Variants in CFAP299 observed in about 807,000 individuals in gnomAD.
CFAP299 encodes the protein cilia and flagella associated protein 299.
Under a neutral mutation model 27.0 loss-of-function variants are expected in CFAP299, and 21 were observed. The ratio of observed to expected loss-of-function variants is 0.78; its 90% CI spans 0.55 to 1.12. The LOEUF (loss-of-function observed/expected upper bound fraction) is 1.12. Ranked by LOEUF, CFAP299 falls within the 50% of genes most tolerant of loss-of-function variation. The pLI, the probability that CFAP299 is intolerant of heterozygous loss-of-function variation, is 0.00. For missense variants in CFAP299, 310 were observed against 276.6 expected (o/e 1.12, Z -0.86); for synonymous variants, 104 against 98.1 (o/e 1.06, Z -0.36).
At chr4:80,386,320 C>A in intron 2 of CFAP299, 1 of 1,339,928 alleles carries the variant, frequency 7.5e-7, no homozygotes. Context: ...GTGCCCACCG[C>A]ACCACCCACG....
At chr4:80,667,443 A>G (rs182252175) in intron 3 of CFAP299, among the ~76,000 whole-genome samples, 1 of 152,264 alleles carries the variant, frequency 6.6e-6, no homozygotes, top group Admixed American at 6.5e-5. Flanking sequence ...TATTTCTTCT[A>G]TCAAACTGTG....
chr4:80,579,521 A>G (rs1301834289), intron 2 of CFAP299, among the ~76,000 whole-genome samples: 1 of 152,148 alleles, frequency 6.6e-6, no homozygotes, highest in African/African-American at 2.4e-5. Context: ...TCCAGCCCAG[A>G]TATCTGCTGA....
rs530282231 is a variant in CFAP299 at position 80,758,101 on chromosome 4, C to A, written c.334-111892C>A. Among the ~76,000 whole-genome samples, 324 of 152,308 alleles carry A rather than the reference C, an allele frequency of 2.1e-3. 1 individual carries two copies. The highest frequency in any genetic ancestry group is 3.9e-3 in the Non-Finnish European group (268 of 68,024). On this transcript the variant is annotated intron_variant, in intron 3 of 5. Transcript: ENST00000358105. Reference sequence around the variant, plus strand: ...ATGGATGGCTTAAGTGTTAACAGCTCAGTGGAGTGTCAGTGTGACAGCCTT... The same window carrying A: ...ATGGATGGCTTAAGTGTTAACAGCTAAGTGGAGTGTCAGTGTGACAGCCTT...
rs558629236 is a variant in CFAP299, at chr4:80,372,302, A to G, written c.242+9418A>G. 1.8e-4 allele frequency among the ~76,000 whole-genome samples: 28 copies of G among 152,300 alleles called. 1 individual carries two copies. The highest frequency in any genetic ancestry group is 1.6e-3 in the Admixed American group (24 of 15,300). ...CCCCATGATCCAATCACCTCCCAACAGGCCTCACCTCCAACACTGGGGATT... is the reference window on the plus strand; with the variant it reads ...CCCCATGATCCAATCACCTCCCAACGGGCCTCACCTCCAACACTGGGGATT... On this transcript the variant is annotated intron_variant, in intron 2 of 5. Transcript: ENST00000358105.
At chr4:80,449,433 CTG>C (rs1428853246) in intron 2 of CFAP299, among the ~76,000 whole-genome samples, 3 of 151,630 alleles carry the variant, frequency 2.0e-5, no homozygotes, top group African/African-American at 7.3e-5. Context: ...TCTTTATTAA[CTG>C]TTGTTATTAA....
chr4:80,412,451 T>A (rs1394982922), intron 2 of CFAP299, among the ~76,000 whole-genome samples: 1 of 152,172 alleles, frequency 6.6e-6, no homozygotes. Context: ...GAATAACGCA[T>A]GAACTCAACT....
chr4:80,377,857 A>G (rs376166572), intron 2 of CFAP299, among the ~76,000 whole-genome samples: 3 of 152,326 alleles, frequency 2.0e-5, no homozygotes, highest in East Asian at 3.9e-4. Context: ...TTATAGTTTC[A>G]CATGGCTGGG....
At chr4:80,777,560 T>G (rs1415039042) in intron 3 of CFAP299, among the ~76,000 whole-genome samples, 1 of 152,198 alleles carries the variant, frequency 6.6e-6, no homozygotes, top group African/African-American at 2.4e-5. Flanking sequence ...ATCTTAGTTC[T>G]ATCACTTCTT....
chr4:80,718,946 A>G (rs1397448884), intron 3 of CFAP299, among the ~76,000 whole-genome samples: 4 of 152,162 alleles, frequency 2.6e-5, no homozygotes, highest in Non-Finnish European at 4.4e-5. Context: ...TACACCATGG[A>G]ATACTATGCA....
intron 2 of CFAP299, among the ~76,000 whole-genome samples, chr4:80,569,426 CT>C (rs1339885741): frequency 5.9e-5 from 9 of 151,980 alleles, no homozygotes; most frequent in Middle Eastern, 3.4e-3. Flanking sequence ...TTTTAACTAG[CT>C]TTTTTTCTTT....
intron 3 of CFAP299, among the ~76,000 whole-genome samples, chr4:80,679,756 T>G (rs954500127): frequency 3.7e-5 from 5 of 133,716 alleles, no homozygotes; most frequent in African/African-American, 1.4e-4. Flanking sequence ...TTTTTTTTTT[T>G]GCTTTGTTTT....
At chr4:80,869,221 A>G (rs1732933255) in intron 3 of CFAP299, among the ~76,000 whole-genome samples, 1 of 152,158 alleles carries the variant, frequency 6.6e-6, no homozygotes, top group Non-Finnish European at 1.5e-5. Context: ...TATGTGGGCA[A>G]AATGAAAAGG....
intron 4 of CFAP299, among the ~76,000 whole-genome samples, chr4:80,888,520 T>C (rs1056544402): frequency 6.6e-6 from 1 of 152,018 alleles, no homozygotes; most frequent in Non-Finnish European, 1.5e-5. Context: ...TACAATAATA[T>C]CTGGAGACTT....
In CFAP299 at chr4:80,588,554, T is replaced by C. The variant is rs553583238; in HGVS notation, c.333+5371T>C. Among the ~76,000 whole-genome samples the C allele has an allele frequency of 4.4e-4, 66 of 150,938 alleles. 1 individual carries two copies. Among genetic ancestry groups the C allele is most frequent in the Non-Finnish European group, 4.7e-4 (32 of 68,016 alleles). On this transcript the variant is annotated intron_variant, in intron 3 of 5. Coordinates refer to ENST00000358105, the MANE Select transcript of CFAP299 (RefSeq NM_152770.3). Reference sequence around the variant, plus strand: ...CATAGCCATTTGAATTAAAATAAAATGTATTTGGTCATTTACAAATGACCA... The same window carrying C: ...CATAGCCATTTGAATTAAAATAAAACGTATTTGGTCATTTACAAATGACCA...
intron 4 of CFAP299, among the ~76,000 whole-genome samples, chr4:80,933,988 G>A (rs1037092771): frequency 1.3e-5 from 2 of 152,058 alleles, no homozygotes; most frequent in Non-Finnish European, 2.9e-5. Context: ...GTGAGAGTAG[G>A]CATCCTTGTC....
intron 2 of CFAP299, among the ~76,000 whole-genome samples, chr4:80,526,549 T>C (rs1276285781): frequency 1.3e-5 from 2 of 152,136 alleles, no homozygotes; most frequent in African/African-American, 2.4e-5. Context: ...AATATACTAA[T>C]GATTTTTAAT....
chr4:80,952,800 C>T (rs1420199717), intron 5 of CFAP299, among the ~76,000 whole-genome samples: 1 of 152,080 alleles, frequency 6.6e-6, no homozygotes, highest in Non-Finnish European at 1.5e-5. Context: ...CACGCAAGCA[C>T]TTGCTACTAT....
At chr4:80,607,286 T>C (rs1223946809) in intron 3 of CFAP299, among the ~76,000 whole-genome samples, 2 of 152,212 alleles carry the variant, frequency 1.3e-5, no homozygotes, top group African/African-American at 4.8e-5. Context: ...TTTTTCTCGG[T>C]ATCTATCTCC....
intron 1 of CFAP299, among the ~76,000 whole-genome samples, chr4:80,353,273 T>C (rs1723101082): frequency 6.6e-6 from 1 of 152,296 alleles, no homozygotes; most frequent in Admixed American, 6.5e-5. Context: ...CTTTAATCAA[T>C]TTGGGTCAAC....
Sources: allele counts gnomAD v4.1 joint callset (sites outside exome capture counted in the v4.1 genomes callset), GRCh38; gene constraint gnomAD v4.1.1; transcripts MANE v1.5; gene names NCBI Gene and HGNC (gene_info 2026-07-23, HGNC 2026-07-21).